SHISA9: variants seen among roughly 807,000 people sequenced by gnomAD.
SHISA9 encodes shisa family member 9.
In SHISA9, 13 loss-of-function variants were observed where a neutral mutation model predicts 38.0. That is an observed-to-expected ratio of 0.34 (90% CI 0.22 to 0.54). SHISA9 has a LOEUF of 0.54. Ranked by LOEUF, SHISA9 falls within the 20% of genes least tolerant of loss-of-function variation. The pLI is 0.91. For synonymous variants in SHISA9, 275 were observed against 242.0 expected, an observed-to-expected ratio of 1.14 and a Z score of -1.27; for missense variants, 538 against 575.8, an observed-to-expected ratio of 0.93 and a Z score of 0.67.
At chr16:12,902,816 G>C (rs1255872237) in intron 1 of SHISA9, 189 bp downstream of exon 1, 2 of 625,178 alleles carry the variant, frequency 3.2e-6, no homozygotes, top group South Asian at 3.9e-5. Context: ...CTCAGCACAG[G>C]TGTGGGTCTG....
the SHISA9 span, among the ~76,000 whole-genome samples, chr16:13,491,642 C>T: frequency 6.6e-6 from 1 of 151,452 alleles, no homozygotes; most frequent in African/African-American, 2.4e-5. Context: ...TGCACGCCAG[C>T]AGGCCTGGTT....
In SHISA9 at chr16:13,217,001, GT is replaced by G. The variant is rs143556089; in HGVS notation, c.895+3702del. Among the ~76,000 whole-genome samples, 854 of 152,216 alleles carry G rather than the reference GT, an allele frequency of 5.6e-3. 8 individuals carry two copies. The highest frequency in any genetic ancestry group is 0.02 in the African/African-American group (810 of 41,518). On this transcript the variant is annotated intron_variant, in intron 4 of 4. Coordinates refer to ENST00000558583, the MANE Select transcript of SHISA9 (RefSeq NM_001145204.3). ...TAAAGTCCACCCTGGGCTGGGCGCG[GT>G]GGCTCACGCCTGTAATCCCAGCACT...
chr16:13,015,890 C>CTT (rs768484604), intron 2 of SHISA9, among the ~76,000 whole-genome samples: 61 of 117,124 alleles, frequency 5.2e-4, no homozygotes, highest in African/African-American at 1.4e-3. Context: ...TTCTTTCTTT[C>CTT]TTTCTTTCTT....
chr16:13,436,103 TC>T, the SHISA9 span, among the ~76,000 whole-genome samples: 2 of 152,132 alleles, frequency 1.3e-5, no homozygotes, highest in Non-Finnish European at 2.9e-5. Flanking sequence ...CCAGAGTGAC[TC>T]CGTCTTGAAT....
At chr16:12,943,392 A>T (rs1015097493) in intron 2 of SHISA9, among the ~76,000 whole-genome samples, 2 of 97,654 alleles carry the variant, frequency 2.0e-5, no homozygotes, top group Admixed American at 1.0e-4. Context: ...AGAGAGAGAG[A>T]TCCTCAGGGG....
the SHISA9 span, among the ~76,000 whole-genome samples, chr16:13,316,243 A>G: frequency 2.6e-5 from 4 of 152,160 alleles, no homozygotes; most frequent in African/African-American, 9.7e-5. Context: ...GGAGCAGAGA[A>G]GAAACAACTA....
chr16:13,286,796 T>C, the SHISA9 span, among the ~76,000 whole-genome samples: 1 of 152,194 alleles, frequency 6.6e-6, no homozygotes, highest in African/African-American at 2.4e-5. Context: ...CTTGACCTGA[T>C]ACGTAAAGCC....
chr16:13,259,599 C>G, the SHISA9 span, among the ~76,000 whole-genome samples: 5 of 152,232 alleles, frequency 3.3e-5, no homozygotes, highest in African/African-American at 1.2e-4. Context: ...TTCCACACAT[C>G]TTCTGAAATC....
Position 13,119,791 on chromosome 16 carries a change from A to C in SHISA9, c.692-83603A>C, listed in dbSNP as rs1398539658. ...TTAGCTCAAGGTAAACATGTTACCA[A>C]GTTCTTGGCTAACTAGTTATTTCAG... On this transcript the variant is annotated intron_variant, in intron 2 of 4. Coordinates refer to ENST00000558583, the MANE Select transcript of SHISA9 (RefSeq NM_001145204.3). Among the ~76,000 whole-genome samples the C allele has an allele frequency of 2.0e-5, 3 of 152,194 alleles. No individual in the cohort carries two copies. The East Asian group carries it at 5.8e-4, about 29-fold the overall frequency.
the SHISA9 span, among the ~76,000 whole-genome samples, chr16:13,519,457 A>G: frequency 2.0e-5 from 3 of 152,190 alleles, no homozygotes; most frequent in Non-Finnish European, 4.4e-5. Flanking sequence ...CCAAACATAA[A>G]TGCCATTGCC....
intron 2 of SHISA9, among the ~76,000 whole-genome samples, chr16:13,144,354 T>C (rs1205192564): frequency 6.6e-6 from 1 of 152,110 alleles, no homozygotes; most frequent in Non-Finnish European, 1.5e-5. Flanking sequence ...GGTTTCACCA[T>C]GTTGGCCAGG....
chr16:13,460,708 T>G, the SHISA9 span, among the ~76,000 whole-genome samples: 4 of 152,346 alleles, frequency 2.6e-5, no homozygotes, highest in East Asian at 1.9e-4. Flanking sequence ...GGTCTAACTC[T>G]AAAGCAGCCC....
chr16:13,058,655 C>T (rs1485182161), intron 2 of SHISA9, among the ~76,000 whole-genome samples: 1 of 152,126 alleles, frequency 6.6e-6, no homozygotes, highest in East Asian at 1.9e-4. Context: ...GGAAAAGTGT[C>T]ATCTTTCGAG....
chr16:13,281,010 T>C, the SHISA9 span, among the ~76,000 whole-genome samples: 1 of 151,886 alleles, frequency 6.6e-6, no homozygotes, highest in South Asian at 2.1e-4. Flanking sequence ...TCTTATTTTA[T>C]TTTTTATTTT....
intron 2 of SHISA9, among the ~76,000 whole-genome samples, chr16:13,136,146 A>G (rs1195946465): frequency 6.6e-6 from 1 of 152,112 alleles, no homozygotes; most frequent in African/African-American, 2.4e-5. Flanking sequence ...GAAATGACCC[A>G]TGTTTCAATC....
chr16:13,464,624 G>T, the SHISA9 span, among the ~76,000 whole-genome samples: 1 of 152,202 alleles, frequency 6.6e-6, no homozygotes, highest in South Asian at 2.1e-4. Context: ...CCACTGATTT[G>T]CTTTCCCTGA....
the SHISA9 span, among the ~76,000 whole-genome samples, chr16:13,367,265 T>C: frequency 3.2e-4 from 48 of 149,972 alleles, no homozygotes; most frequent in African/African-American, 1.2e-3. Flanking sequence ...ATGTCAGACA[T>C]CCTGCAGAGT....
the SHISA9 span, among the ~76,000 whole-genome samples, chr16:13,451,924 G>A: frequency 1.3e-5 from 2 of 152,308 alleles, no homozygotes; most frequent in Admixed American, 6.5e-5. Context: ...CATTCACCTG[G>A]CTTCAAGGAG....
chr16:12,905,760 T>A (rs933676316), intron 1 of SHISA9, among the ~76,000 whole-genome samples: 58 of 152,106 alleles, frequency 3.8e-4, no homozygotes, highest in African/African-American at 1.3e-3. Flanking sequence ...CCTGGCTAAT[T>A]TTTTTGAATT....
Sources: gnomAD v4.1 joint callset for allele counts (sites outside exome capture counted in the v4.1 genomes callset) on GRCh38, gnomAD v4.1.1 for gene constraint, MANE v1.5 for transcripts, NCBI Gene and HGNC (gene_info 2026-07-23, HGNC 2026-07-21) for gene names.